The following MKLN1 variants were observed in gnomAD, a reference collection of about 807,000 sequenced individuals.
MKLN1 encodes muskelin.
A neutral mutation model predicts 99.0 loss-of-function variants in MKLN1; 18 were observed. The ratio of observed to expected loss-of-function variants is 0.18; its 90% CI spans 0.13 to 0.27. The LOEUF (loss-of-function observed/expected upper bound fraction) is 0.27, where lower values mean the gene tolerates loss of function less well. Ranked by LOEUF, MKLN1 falls within the 10% of genes least tolerant of loss-of-function variation. MKLN1 has a pLI of 1.00. For missense variants in MKLN1, 621 were observed against 875.9 expected, an observed-to-expected ratio of 0.71 and a Z score of 3.67; for synonymous variants, 288 against 293.2, an observed-to-expected ratio of 0.98 and a Z score of 0.18.
At chr7:131,252,169 A>C (rs1797590558) in intron 3 of MKLN1, among the ~76,000 whole-genome samples, 1 of 152,156 alleles carries the variant, frequency 6.6e-6, no homozygotes, top group Non-Finnish European at 1.5e-5. Context: ...GCAATAGCCC[A>C]AAAGCCCGGA....
At chr7:131,400,691 A>C (rs907000551) in intron 6 of MKLN1, among the ~76,000 whole-genome samples, 3 of 151,846 alleles carry the variant, frequency 2.0e-5, no homozygotes, top group Admixed American at 6.6e-5. Context: ...CAACAGCCAC[A>C]GGCAACTCTA....
At chr7:131,176,627 C>T (rs1019958548) in intron 2 of MKLN1, among the ~76,000 whole-genome samples, 1 of 152,202 alleles carries the variant, frequency 6.6e-6, no homozygotes, top group South Asian at 2.1e-4. Flanking sequence ...AGGTTTACTC[C>T]ATAGTGTTCC....
Position 131,303,000 on chromosome 7 carries a change from C to T in MKLN1, c.-178-72424C>T, listed in dbSNP as rs765686835. Among the ~76,000 whole-genome samples, 11 of 152,292 alleles carry T rather than the reference C, an allele frequency of 7.2e-5. No homozygotes were observed. In the South Asian group the frequency reaches 2.3e-3, roughly 32 times the overall value. On this transcript the variant is annotated intron_variant, in intron 3 of 7. Coordinates refer to the MKLN1 transcript ENST00000416992. ...GATTTATGCTTGTGTGGATGTGTTT[C>T]AGCTACTGTTTCTTTCTGAAGCTCT...
At chr7:131,140,541 A>G (rs1795715440) in intron 1 of MKLN1, among the ~76,000 whole-genome samples, 1 of 151,988 alleles carries the variant, frequency 6.6e-6, no homozygotes, top group African/African-American at 2.4e-5. Context: ...CAAAAGAGCA[A>G]CACCTCCTCT....
chr7:131,437,556 T>C (rs1563347720), intron 9 of MKLN1, among the ~76,000 whole-genome samples: 1 of 152,186 alleles, frequency 6.6e-6, no homozygotes, highest in Non-Finnish European at 1.5e-5. Context: ...CTGGTAGATT[T>C]TAAGCATTTC....
At chr7:131,455,236 A>G (rs1796297568) in intron 12 of MKLN1, among the ~76,000 whole-genome samples, 1 of 152,042 alleles carries the variant, frequency 6.6e-6, no homozygotes, top group African/African-American at 2.4e-5. Context: ...AAGGACTTCG[A>G]AAATATTTGT....
intron 1 of MKLN1, among the ~76,000 whole-genome samples, chr7:131,113,013 G>A (rs1795221027): frequency 6.6e-6 from 1 of 152,166 alleles, no homozygotes; most frequent in African/African-American, 2.4e-5. Context: ...CAGGTACTGT[G>A]CTGGGTGCTG....
chr7:131,154,480 G>A (rs1795936394), intron 2 of MKLN1, among the ~76,000 whole-genome samples: 1 of 152,158 alleles, frequency 6.6e-6, no homozygotes, highest in Non-Finnish European at 1.5e-5. Flanking sequence ...GAGGAGGTTA[G>A]GCAGAAATCC....
In MKLN1 at chr7:131,495,136, A is replaced by G. The variant is rs1434292952; in HGVS notation, c.*7408A>G. The stretch of plus-strand genomic sequence containing the variant: ...TTCTAAACAGTTTGGGAAAGATGTT[A>G]GAATTTTTTAAAAGTCAGCTCTTTT... On this transcript the variant is annotated 3_prime_UTR_variant, in exon 18 of 18. Transcript: ENST00000352689. The G allele has an allele frequency of 6.6e-6, 1 of 152,218 alleles. No individual in the cohort carries two copies. The highest frequency in any genetic ancestry group is 2.4e-5 in the African/African-American group (1 of 41,466). 9.4% of individuals were successfully genotyped at this position (152,218 alleles called of 1,614,324 possible). A position where few individuals can be genotyped will look rare whatever the true frequency, so the allele number is the denominator to read the frequency against.
chr7:131,446,862 A>G (rs1447229147), intron 12 of MKLN1, among the ~76,000 whole-genome samples: 1 of 152,202 alleles, frequency 6.6e-6, no homozygotes, highest in Admixed American at 6.5e-5. Flanking sequence ...GCTTGAATCT[A>G]GGAGTTTAGG....
chr7:131,353,478 G>A (rs185494617), intron 1 of MKLN1, among the ~76,000 whole-genome samples: 16 of 152,092 alleles, frequency 1.1e-4, no homozygotes, highest in African/African-American at 3.6e-4. Flanking sequence ...TACTTTGTAT[G>A]TTTTAGGTGT....
rs1797314788 is a variant in MKLN1, at chr7:131,487,522, T to C, written c.2087-85T>C. The C allele has an allele frequency of 1.4e-6, 2 of 1,452,426 alleles. No homozygotes were observed. The highest frequency in any genetic ancestry group is 2.8e-5 in the African/African-American group (2 of 70,352). 90.0% of individuals were successfully genotyped at this position (1,452,426 alleles called of 1,614,324 possible). A position where few individuals can be genotyped will look rare whatever the true frequency, so the allele number is the denominator to read the frequency against. On this transcript the variant is annotated intron_variant, in intron 17 of 17. Transcript: ENST00000352689. This position sits in a 1 kb window ranked among gnomAD's most constrained non-coding sequence, Gnocchi z 4.7. ...GAAGCCTGATTTGATTTCTCCATTA[T>C]AAAATACATTGCTGCTGGTCTCAAC...
intron 3 of MKLN1, among the ~76,000 whole-genome samples, chr7:131,241,623 AT>A (rs1236495372): frequency 2.6e-5 from 4 of 152,214 alleles, no homozygotes; most frequent in Admixed American, 6.5e-5. Flanking sequence ...GCATCACTGC[AT>A]TCCAGCCTGG....
Position 131,275,534 on chromosome 7 carries a change from GATAT to G in MKLN1, c.-179+72591_-179+72594del, listed in dbSNP as rs1166104066. Among the ~76,000 whole-genome samples the G allele has an allele frequency of 3.5e-3, 50 of 14,250 alleles. 2 individuals carry two copies. The highest frequency in any genetic ancestry group is 4.9e-3 in the Non-Finnish European group (27 of 5,560). 9.3% of individuals were successfully genotyped at this position (14,250 alleles called of 152,430 possible). On this transcript the variant is annotated intron_variant, in intron 3 of 7. Coordinates refer to the MKLN1 transcript ENST00000416992. ...CAGGCATGCACTACAACGCCCAGCT[GATAT>G]ATATATATATATATATATATATATA... is the stretch of plus-strand genomic sequence containing the variant.
At chr7:131,340,779 T>G (rs1011816225) in intron 1 of MKLN1, among the ~76,000 whole-genome samples, 1 of 152,214 alleles carries the variant, frequency 6.6e-6, no homozygotes, top group African/African-American at 2.4e-5. Flanking sequence ...GGTTTAGGAC[T>G]GTAAGGAGTC....
chr7:131,475,592 G>T (rs946790187), intron 16 of MKLN1, among the ~76,000 whole-genome samples: 1 of 152,100 alleles, frequency 6.6e-6, no homozygotes, highest in Non-Finnish European at 1.5e-5. Context: ...GGGGTGGATC[G>T]CCTGAGCCCA....
intron 1 of MKLN1, among the ~76,000 whole-genome samples, chr7:131,360,686 T>C (rs1800003638): frequency 6.6e-6 from 1 of 152,170 alleles, no homozygotes; most frequent in Non-Finnish European, 1.5e-5. Flanking sequence ...ATTTGTTAGA[T>C]CAGTTTAAGA....
intron 17 of MKLN1, among the ~76,000 whole-genome samples, chr7:131,479,589 G>T (rs1038193382): frequency 2.6e-5 from 4 of 151,916 alleles, no homozygotes; most frequent in African/African-American, 9.7e-5. Context: ...CACTTTGGGA[G>T]GCTGAGGCAG....
At chr7:131,161,838 C>T (rs1796054147) in intron 2 of MKLN1, among the ~76,000 whole-genome samples, 1 of 151,698 alleles carries the variant, frequency 6.6e-6, no homozygotes, top group African/African-American at 2.4e-5. Context: ...AATGCCTGGC[C>T]GTGACACAGG....
Sources: gnomAD v4.1 joint callset for allele counts (sites outside exome capture counted in the v4.1 genomes callset) on GRCh38, gnomAD v4.1.1 for gene constraint, Gnocchi (gnomAD v3.1) non-coding constraint, MANE v1.5 for transcripts, NCBI Gene and HGNC (gene_info 2026-07-23, HGNC 2026-07-21) for gene names.